Variants in ADAMTS6 observed in about 807,000 individuals in gnomAD.
ADAMTS6 encodes A disintegrin and metalloproteinase with thrombospondin motifs 6.
In ADAMTS6, 23 loss-of-function variants were observed where a neutral mutation model predicts 144.3. That is an observed-to-expected ratio of 0.16 (90% CI 0.11 to 0.23). The LOEUF (loss-of-function observed/expected upper bound fraction) is 0.23, where lower values mean the gene tolerates loss of function less well. Ranked by LOEUF, ADAMTS6 falls within the 10% of genes least tolerant of loss-of-function variation. The pLI is 1.00. For missense variants in ADAMTS6, 999 were observed against 1,379.6 expected (o/e 0.72, Z 4.37); for synonymous variants, 444 against 457.5 (o/e 0.97, Z 0.38).
chr5:65,309,231 C>A (rs1744239856), intron 9 of ADAMTS6, among the ~76,000 whole-genome samples: 1 of 151,854 alleles, frequency 6.6e-6, no homozygotes, highest in African/African-American at 2.4e-5. Context: ...CAACTCACTA[C>A]AATGTAGAAT....
intron 12 of ADAMTS6, among the ~76,000 whole-genome samples, chr5:65,266,335 C>T (rs914703979): frequency 1.3e-5 from 2 of 151,954 alleles, no homozygotes; most frequent in East Asian, 3.9e-4. Context: ...GCTAAAAGGC[C>T]TTATACTGCA....
intron 9 of ADAMTS6, among the ~76,000 whole-genome samples, chr5:65,319,079 C>A (rs1745284494): frequency 6.6e-6 from 1 of 151,748 alleles, no homozygotes; most frequent in South Asian, 2.1e-4. Context: ...ATATGATAGA[C>A]CATGAGGCAT....
chr5:65,358,566 C>T lies in ADAMTS6; in HGVS notation c.1074-24481G>A, dbSNP rs114387184. 8.5e-3 allele frequency among the ~76,000 whole-genome samples: 1,297 copies of T among 152,094 alleles called. 18 individuals carry two copies. The highest frequency in any genetic ancestry group is 0.03 in the African/African-American group (1,225 of 41,512). ...TGGAACCACAAAAGACCTCAAATAG[C>T]CACAGCAACCTTGAATAAAAAGAAC... On this transcript the variant is annotated intron_variant, in intron 7 of 24. Coordinates refer to ENST00000381055, the MANE Select transcript of ADAMTS6 (RefSeq NM_197941.4).
chr5:65,270,657 A>C (rs1761981154), intron 12 of ADAMTS6, among the ~76,000 whole-genome samples: 1 of 152,118 alleles, frequency 6.6e-6, no homozygotes, highest in Admixed American at 6.5e-5. Context: ...CTAAAACTTT[A>C]TCTATCTTCC....
intron 20 of ADAMTS6, among the ~76,000 whole-genome samples, chr5:65,204,912 T>C (rs1028392613): frequency 6.6e-6 from 1 of 152,234 alleles, no homozygotes. Flanking sequence ...TATATAATTA[T>C]GTTTCTTCAG....
At chr5:65,415,182 A>C (rs1482695932) in intron 7 of ADAMTS6, among the ~76,000 whole-genome samples, 1 of 152,374 alleles carries the variant, frequency 6.6e-6, no homozygotes, top group African/African-American at 2.4e-5. Flanking sequence ...GGATCTTAAT[A>C]GACATTTCTC....
chr5:65,445,742 C>T (rs142437425), intron 7 of ADAMTS6, among the ~76,000 whole-genome samples: 1 of 152,102 alleles, frequency 6.6e-6, no homozygotes, highest in East Asian at 1.9e-4. Context: ...AAGATAAACA[C>T]TTCTGAGTAA....
chr5:65,320,000 C>A (rs1319126340), intron 9 of ADAMTS6, among the ~76,000 whole-genome samples: 1 of 152,036 alleles, frequency 6.6e-6, no homozygotes, highest in African/African-American at 2.4e-5. Flanking sequence ...TGTGCCACCA[C>A]ACCTGGCTTA....
chr5:65,295,185 T>C (rs942514071), intron 10 of ADAMTS6, among the ~76,000 whole-genome samples: 3 of 152,142 alleles, frequency 2.0e-5, no homozygotes, highest in Non-Finnish European at 4.4e-5. Context: ...ACTTTTTGTA[T>C]GTCTCCTGGT....
At chr5:65,369,043 G>A (rs535609296) in intron 7 of ADAMTS6, among the ~76,000 whole-genome samples, 5 of 151,948 alleles carry the variant, frequency 3.3e-5, no homozygotes, top group African/African-American at 1.2e-4. Context: ...GTGACAGAGT[G>A]AGACTGTCTC....
intron 21 of ADAMTS6, among the ~76,000 whole-genome samples, chr5:65,194,894 C>A (rs1389294097): frequency 6.6e-6 from 1 of 152,092 alleles, no homozygotes; most frequent in Non-Finnish European, 1.5e-5. Context: ...TGTTAAAAAA[C>A]AAAAACAAAC....
chr5:65,476,185 C>A (rs79977825), intron 1 of ADAMTS6, among the ~76,000 whole-genome samples: 4,033 of 152,266 alleles, frequency 0.026, 88 homozygotes, highest in Non-Finnish European at 0.038. Context: ...CTCAGTCCAA[C>A]AGCATGCAAG....
At chr5:65,325,662 T>C (rs1007530635) in intron 9 of ADAMTS6, among the ~76,000 whole-genome samples, 1 of 152,018 alleles carries the variant, frequency 6.6e-6, no homozygotes, top group Non-Finnish European at 1.5e-5. Flanking sequence ...CCTTGCTAAT[T>C]TCTGTATTTT....
At chr5:65,398,804 G>GAA (rs150395612) in intron 7 of ADAMTS6, among the ~76,000 whole-genome samples, 1 of 82,620 alleles carries the variant, frequency 1.2e-5, no homozygotes, top group Non-Finnish European at 2.6e-5. Flanking sequence ...AAGAAAGAAA[G>GAA]AAAGAAAGAA....
intron 7 of ADAMTS6, among the ~76,000 whole-genome samples, chr5:65,363,868 T>C (rs965378531): frequency 1.3e-5 from 2 of 152,218 alleles, no homozygotes; most frequent in Non-Finnish European, 2.9e-5. Flanking sequence ...AAAAGAATGA[T>C]TTTCTGTATC....
At chr5:65,234,117 G>A (rs1447903195) in intron 15 of ADAMTS6, among the ~76,000 whole-genome samples, 5 of 150,680 alleles carry the variant, frequency 3.3e-5, no homozygotes, top group Admixed American at 3.3e-4. Context: ...AAAAGAAATT[G>A]GATACTTATA....
At chr5:65,477,562 A>G (rs1760923967) in intron 1 of ADAMTS6, among the ~76,000 whole-genome samples, 2 of 152,068 alleles carry the variant, frequency 1.3e-5, no homozygotes, top group Admixed American at 6.6e-5. Flanking sequence ...TAGCATTGAG[A>G]AAAAAAAGTA....
At chr5:65,268,127 A>C (rs1761766523) in intron 12 of ADAMTS6, among the ~76,000 whole-genome samples, 1 of 152,256 alleles carries the variant, frequency 6.6e-6, no homozygotes, top group African/African-American at 2.4e-5. Flanking sequence ...CCAGTGCTTT[A>C]GAAGGGCATT....
At chr5:65,415,692 C>T (rs76691813) in intron 7 of ADAMTS6, 20,054 of 231,966 alleles carry the variant, frequency 0.086, 988 homozygotes, top group Non-Finnish European at 0.11. Context: ...AGCAGACCTA[C>T]GCTGGCCAGA....
Sources: allele counts gnomAD v4.1 joint callset (sites outside exome capture counted in the v4.1 genomes callset), GRCh38; gene constraint gnomAD v4.1.1; transcripts MANE v1.5; gene names NCBI Gene and HGNC (gene_info 2026-07-23, HGNC 2026-07-21).